ABLIM2: variants seen among roughly 807,000 people sequenced by gnomAD.
ABLIM2 encodes actin binding LIM protein family member 2.
ABLIM2 carries 53 observed loss-of-function variants against 97.7 expected under a neutral mutation model. That is an observed-to-expected ratio of 0.54 (90% CI 0.44 to 0.68). The LOEUF (loss-of-function observed/expected upper bound fraction) is 0.68, where lower values mean the gene tolerates loss of function less well. Among genes scored for constraint, ABLIM2 ranks in the 30% least tolerant of loss-of-function variants. The pLI, the probability that ABLIM2 is intolerant of heterozygous loss-of-function variation, is 0.00. For missense variants in ABLIM2, 835 were observed against 867.2 expected, an observed-to-expected ratio of 0.96 and a Z score of 0.47; for synonymous variants, 361 against 345.8, an observed-to-expected ratio of 1.04 and a Z score of -0.49.
intron 2 of ABLIM2, among the ~76,000 whole-genome samples, chr4:8,102,968 C>G (rs752112240): frequency 6.6e-6 from 1 of 152,168 alleles, no homozygotes; most frequent in African/African-American, 2.4e-5. Context: ...GAGGGTTATG[C>G]GAGGAGACAG....
chr4:7,992,124 C>T lies in ABLIM2; in HGVS notation c.1680+742G>A, dbSNP rs549373213. On this transcript the variant is annotated intron_variant, in intron 17 of 20. Transcript: ENST00000447017. The surrounding 1 kb of genome is among the most constrained non-coding windows in gnomAD (Gnocchi z 5.7). Reference sequence around the variant, plus strand: ...GGGTCTGGGACCAGCAAGCCTGCCCCACCCTAAGGATCCTCACTGGGGACC... The same window carrying T: ...GGGTCTGGGACCAGCAAGCCTGCCCTACCCTAAGGATCCTCACTGGGGACC... 1.3e-5 allele frequency among the ~76,000 whole-genome samples: 2 copies of T among 152,036 alleles called. No individual in the cohort carries two copies. Among genetic ancestry groups the T allele is most frequent in the Non-Finnish European group, 2.9e-5 (2 of 67,980 alleles).
intron 14 of ABLIM2, among the ~76,000 whole-genome samples, chr4:8,018,826 C>T (rs1455970820): frequency 1.3e-5 from 2 of 152,222 alleles, no homozygotes; most frequent in East Asian, 1.9e-4. Flanking sequence ...ATGTGCACAG[C>T]ACTTTACAGT....
In ABLIM2 at chr4:8,122,006, G is replaced by A. The variant is rs1845706810; in HGVS notation, c.11-15369C>T. The stretch of plus-strand genomic sequence containing the variant: ...TCTCTGGGAGGAGCTGAGGGGCTGA[G>A]CTAGTCCCACCAGGGACCCCACTCT... On this transcript the variant is annotated intron_variant, in intron 1 of 20. Transcript: ENST00000447017. This position sits in a 1 kb window ranked among gnomAD's most constrained non-coding sequence, Gnocchi z 4.1. Among the ~76,000 whole-genome samples, 1 of 152,222 alleles carries A rather than the reference G, an allele frequency of 6.6e-6. No homozygotes were observed. The highest frequency in any genetic ancestry group is 2.4e-5 in the African/African-American group (1 of 41,456).
Position 8,123,009 on chromosome 4 carries a change from C to T in ABLIM2, c.11-16372G>A, listed in dbSNP as rs1228340022. On this transcript the variant is annotated intron_variant, in intron 1 of 20. Coordinates refer to ENST00000447017, the MANE Select transcript of ABLIM2 (RefSeq NM_001130083.2). This position sits in a 1 kb window ranked among gnomAD's most constrained non-coding sequence, Gnocchi z 6.2. ...GGTCGTGCCTGCCTCCCCTGGCGTTCCCACTCTGCAAGCCTCCTTCCTATC... is the reference window on the plus strand; with the variant it reads ...GGTCGTGCCTGCCTCCCCTGGCGTTTCCACTCTGCAAGCCTCCTTCCTATC... Among the ~76,000 whole-genome samples the T allele has an allele frequency of 6.6e-6, 1 of 152,188 alleles. No individual in the cohort carries two copies. Among genetic ancestry groups the T allele is most frequent in the Non-Finnish European group, 1.5e-5 (1 of 68,030 alleles).
intron 6 of ABLIM2, among the ~76,000 whole-genome samples, chr4:8,065,718 G>A (rs1216172010): frequency 2.0e-5 from 3 of 151,922 alleles, no homozygotes; most frequent in Non-Finnish European, 4.4e-5. Flanking sequence ...GAGGTCAGGA[G>A]TTTGAGACCA....
At chr4:8,117,187 T>C (rs1843140556) in intron 1 of ABLIM2, among the ~76,000 whole-genome samples, 1 of 152,206 alleles carries the variant, frequency 6.6e-6, no homozygotes, top group Non-Finnish European at 1.5e-5. Context: ...TAGATATTCT[T>C]TTGCCCATTT....
At chr4:8,028,617 A>C (rs565918135) in intron 11 of ABLIM2, among the ~76,000 whole-genome samples, 2 of 152,220 alleles carry the variant, frequency 1.3e-5, no homozygotes, top group East Asian at 3.9e-4. Context: ...TCATTCCCTT[A>C]CTTGCTCACT....
chr4:8,117,712 A>C (rs960495819), intron 1 of ABLIM2, among the ~76,000 whole-genome samples: 3 of 152,030 alleles, frequency 2.0e-5, no homozygotes, highest in African/African-American at 7.2e-5. Flanking sequence ...TCGACCGAGA[A>C]GACCTAACCG....
rs1213555856 is a variant in ABLIM2, at chr4:8,032,676, G to C, written c.1048-2900C>G. On this transcript the variant is annotated intron_variant, in intron 10 of 20. Transcript: ENST00000447017. The surrounding 1 kb of genome is among the most constrained non-coding windows in gnomAD (Gnocchi z 4.3). The stretch of plus-strand genomic sequence containing the variant: ...GGTCGGCGTTGGCGAGAGCAACTGA[G>C]GGGACTGTGGACACAACACACAAAG... 1.9e-6 allele frequency: 3 copies of C among 1,612,472 alleles called. No individual in the cohort carries two copies. Among genetic ancestry groups the C allele is most frequent in the South Asian group, 1.1e-5 (1 of 91,084 alleles).
chr4:7,987,673 C>T (rs1458461250), intron 17 of ABLIM2, among the ~76,000 whole-genome samples: 2 of 152,174 alleles, frequency 1.3e-5, no homozygotes, highest in African/African-American at 4.8e-5. Flanking sequence ...GCAAAACCAG[C>T]TTCCTTTGGT....
chr4:8,088,839 T>G (rs1481473388), intron 3 of ABLIM2, among the ~76,000 whole-genome samples: 1 of 152,184 alleles, frequency 6.6e-6, no homozygotes, highest in African/African-American at 2.4e-5. Context: ...AGAGAGGATA[T>G]GTAACTTTTC....
intron 1 of ABLIM2, among the ~76,000 whole-genome samples, chr4:8,154,412 G>GC (rs1714526841): frequency 6.6e-6 from 1 of 150,570 alleles, no homozygotes; most frequent in African/African-American, 2.5e-5. Flanking sequence ...CTCCTGAGTA[G>GC]TGGGGATTAC....
rs1763271336 is a variant in ABLIM2 at position 8,009,164 on chromosome 4, G to A, written c.1424-62C>T. On this transcript the variant is annotated intron_variant, in intron 14 of 20. Transcript: ENST00000447017. ...CATTGCTTGTGGGTTTCTGCCTCATGGTTTCCCATGTTACAGTTATGCTCA... is the reference window on the plus strand; with the variant it reads ...CATTGCTTGTGGGTTTCTGCCTCATAGTTTCCCATGTTACAGTTATGCTCA... 1.9e-6 allele frequency: 3 copies of A among 1,589,914 alleles called. No individual in the cohort carries two copies. In the African/African-American group the frequency reaches 4.0e-5, roughly 21 times the overall value.
At chr4:8,119,326 T>TC (rs762544543) in intron 1 of ABLIM2, among the ~76,000 whole-genome samples, 165 of 103,348 alleles carry the variant, frequency 1.6e-3, no homozygotes, top group South Asian at 3.7e-3. Context: ...GCTTCCTTCT[T>TC]TTTTTTTTTT....
At chr4:8,107,552 G>A (rs1317706629) in intron 1 of ABLIM2, among the ~76,000 whole-genome samples, 1 of 152,224 alleles carries the variant, frequency 6.6e-6, no homozygotes, top group Non-Finnish European at 1.5e-5. Flanking sequence ...CAGGACCCGG[G>A]CAGGACCCAG....
chr4:8,096,973 A>G, intron 3 of ABLIM2, 126 bp downstream of exon 3: 9 of 1,212,170 alleles, frequency 7.4e-6, no homozygotes, highest in Non-Finnish European at 1.0e-5. Context: ...GGCCTGGAAC[A>G]GCCTCGCTGC....
At chr4:8,062,065 G>A (rs16841632) in intron 6 of ABLIM2, among the ~76,000 whole-genome samples, 22,418 of 152,136 alleles carry the variant, frequency 0.15, 2,014 homozygotes, top group East Asian at 0.32. Context: ...GGCTCTTCCC[G>A]CAGGGCCCAG....
rs779290136 is a variant in ABLIM2, at chr4:8,124,356, T to C, written c.11-17719A>G. On this transcript the variant is annotated intron_variant, in intron 1 of 20. Coordinates refer to ENST00000447017, the MANE Select transcript of ABLIM2 (RefSeq NM_001130083.2). This position sits in a 1 kb window ranked among gnomAD's most constrained non-coding sequence, Gnocchi z 6.1. ...TCACAGAGCTGCGTGCTGATCACCA[T>C]AATCCATTTTAGAAAATTTCCATCA... 6.6e-5 allele frequency among the ~76,000 whole-genome samples: 10 copies of C among 152,194 alleles called. No homozygotes were observed. The highest frequency in any genetic ancestry group is 5.2e-4 in the Admixed American group (8 of 15,278).
Position 8,123,437 on chromosome 4 carries a change from C to T in ABLIM2, c.11-16800G>A, listed in dbSNP as rs993980356. Among the ~76,000 whole-genome samples the T allele has an allele frequency of 2.6e-5, 4 of 152,310 alleles. No homozygotes were observed. Among genetic ancestry groups the T allele is most frequent in the Non-Finnish European group, 5.9e-5 (4 of 68,022 alleles). On this transcript the variant is annotated intron_variant, in intron 1 of 20. Coordinates refer to ENST00000447017, the MANE Select transcript of ABLIM2 (RefSeq NM_001130083.2). The surrounding 1 kb of genome is among the most constrained non-coding windows in gnomAD (Gnocchi z 6.2). The stretch of plus-strand genomic sequence containing the variant: ...AGGGAACTGGTTTTCTGCCTGTCTG[C>T]CCTCCCGTCTCCCCCTCAAATTCCT...
Sources: allele counts gnomAD v4.1 joint callset (sites outside exome capture counted in the v4.1 genomes callset), GRCh38; gene constraint gnomAD v4.1.1; non-coding constraint Gnocchi (gnomAD v3.1); transcripts MANE v1.5; gene names NCBI Gene and HGNC (gene_info 2026-07-23, HGNC 2026-07-21).